Variants in PCDHGB7 observed in about 807,000 individuals in gnomAD.
PCDHGB7 encodes protocadherin gamma-B7.
In PCDHGB7, 37 loss-of-function variants were observed where a neutral mutation model predicts 61.4. The ratio of observed to expected loss-of-function variants is 0.60; its 90% CI spans 0.46 to 0.79. PCDHGB7 has a LOEUF of 0.79. Among genes scored for constraint, PCDHGB7 ranks in the 30% least tolerant of loss-of-function variants. The pLI is 0.00. For missense variants in PCDHGB7, 1,166 were observed against 1,202.5 expected (o/e 0.97, Z 0.45); for synonymous variants, 464 against 503.5 (o/e 0.92, Z 1.05).
Position 141,493,404 on chromosome 5 carries a change from C to T in PCDHGB7, c.2416-1403C>T, listed in dbSNP as rs2099748048. Among the ~76,000 whole-genome samples, 1 of 152,148 alleles carries T rather than the reference C, an allele frequency of 6.6e-6. No individual in the cohort carries two copies. Among genetic ancestry groups the T allele is most frequent in the South Asian group, 2.1e-4 (1 of 4,826 alleles). ...CTTGAGGACAGGAGAGGGGAGTTGC[C>T]TCTGCTGGGATTTTGCTTCTGCTGG... On this transcript the variant is annotated intron_variant, in intron 1 of 3. Transcript: ENST00000398594. The surrounding 1 kb of genome is among the most constrained non-coding windows in gnomAD (Gnocchi z 4.3).
chr5:141,480,402 G>A (rs1268532373), intron 1 of PCDHGB7, among the ~76,000 whole-genome samples: 2 of 145,838 alleles, frequency 1.4e-5, no homozygotes, highest in African/African-American at 2.6e-5. Flanking sequence ...GCAATAGAGT[G>A]AGACCCTGTC....
intron 1 of PCDHGB7, chr5:141,421,419 A>T (rs778839137): frequency 1.2e-6 from 2 of 1,614,072 alleles, no homozygotes; most frequent in Non-Finnish European, 1.7e-6. Context: ...CGAAGCGCGG[A>T]GTCCGCATCG....
chr5:141,470,479 C>T (rs2099231547), intron 1 of PCDHGB7, among the ~76,000 whole-genome samples: 1 of 152,078 alleles, frequency 6.6e-6, no homozygotes, highest in African/African-American at 2.4e-5. Flanking sequence ...ATTACTAACC[C>T]TCTGGGAATA....
intron 3 of PCDHGB7, among the ~76,000 whole-genome samples, chr5:141,505,868 G>T (rs2099848820): frequency 6.6e-6 from 1 of 152,170 alleles, no homozygotes; most frequent in Admixed American, 6.5e-5. Context: ...GGACCCCAAA[G>T]GGTTGTTGTA....
At chr5:141,469,372 C>A (rs780872014) in intron 1 of PCDHGB7, among the ~76,000 whole-genome samples, 1 of 151,990 alleles carries the variant, frequency 6.6e-6, no homozygotes, top group East Asian at 1.9e-4. Context: ...GTAAAGAGAT[C>A]GAGACCATCC....
At chr5:141,509,481 A>G (rs2099877035) in intron 3 of PCDHGB7, among the ~76,000 whole-genome samples, 1 of 152,010 alleles carries the variant, frequency 6.6e-6, no homozygotes, top group Admixed American at 6.6e-5. Flanking sequence ...TGAGGGGTAG[A>G]GGTGATGGCA....
In PCDHGB7 at chr5:141,487,574, C is replaced by T. The variant is rs753979217; in HGVS notation, c.2416-7233C>T. ...TGCACCTATGGCAGGGGAGCCTGTTCGCCCAAGCTGCCCACCCTCTGATCT... is the reference window on the plus strand; with the variant it reads ...TGCACCTATGGCAGGGGAGCCTGTTTGCCCAAGCTGCCCACCCTCTGATCT... On this transcript the variant is annotated intron_variant, in intron 1 of 3. Transcript: ENST00000398594. This position sits in a 1 kb window ranked among gnomAD's most constrained non-coding sequence, Gnocchi z 5.0. 1.2e-5 allele frequency: 20 copies of T among 1,614,040 alleles called. 1 individual carries two copies. The highest frequency in any genetic ancestry group is 8.9e-5 in the East Asian group (4 of 44,870).
At chr5:141,463,401 A>T (rs57406832) in intron 1 of PCDHGB7, among the ~76,000 whole-genome samples, 25,027 of 149,108 alleles carry the variant, frequency 0.17, 2,158 homozygotes, top group South Asian at 0.22. Context: ...GGCAAAAAAA[A>T]TGGAGATCCT....
Position 141,491,507 on chromosome 5 carries a change from C to G in PCDHGB7, c.2416-3300C>G, listed in dbSNP as rs755899622. The stretch of plus-strand genomic sequence containing the variant: ...AACCTGCAGGTGAGCTCGGACGGCA[C>G]GCTCAAGTACATGGAGGTGACGCTG... On this transcript the variant is annotated intron_variant, in intron 1 of 3. Coordinates refer to ENST00000398594, the MANE Select transcript of PCDHGB7 (RefSeq NM_018927.4). This position sits in a 1 kb window ranked among gnomAD's most constrained non-coding sequence, Gnocchi z 6.9. 1.5e-5 allele frequency: 24 copies of G among 1,614,038 alleles called. No individual in the cohort carries two copies. The highest frequency in any genetic ancestry group is 2.0e-5 in the Non-Finnish European group (24 of 1,180,016).
At chr5:141,458,075 A>G (rs1301404730) in intron 1 of PCDHGB7, among the ~76,000 whole-genome samples, 2 of 152,234 alleles carry the variant, frequency 1.3e-5, no homozygotes, top group Non-Finnish European at 2.9e-5. Flanking sequence ...GAACAACTAT[A>G]TTGCCGTAAG....
chr5:141,485,539 G>C lies in PCDHGB7; in HGVS notation c.2416-9268G>C, dbSNP rs370323886. The C allele has an allele frequency of 9.9e-6, 16 of 1,613,986 alleles. No homozygotes were observed. In the African/African-American group the frequency reaches 2.0e-4, roughly 20 times the overall value. On this transcript the variant is annotated intron_variant, in intron 1 of 3. Transcript: ENST00000398594. This position sits in a 1 kb window ranked among gnomAD's most constrained non-coding sequence, Gnocchi z 5.7. ...TGGAAATGTACCGAGCAGAGGTAGA[G>C]ATCGTAGATGTGAATGATCACGCCC... is the stretch of plus-strand genomic sequence containing the variant.
chr5:141,491,898 G>A lies in PCDHGB7; in HGVS notation c.2416-2909G>A, dbSNP rs772673872. 1.6e-5 allele frequency: 23 copies of A among 1,428,816 alleles called. No homozygotes were observed. The highest frequency in any genetic ancestry group is 3.0e-5 in the South Asian group (2 of 66,966). The allele number at this position is 1,428,816 out of a possible 1,614,324, so 88.5% of individuals were successfully genotyped here. A position where few individuals can be genotyped will look rare whatever the true frequency, so the allele number is the denominator to read the frequency against. ...ATTAAGGGATGGGGCTCCGAGCACC[G>A]GGGGTGGTGGCGACTGTGGGCGAGG... On this transcript the variant is annotated intron_variant, in intron 1 of 3. Coordinates refer to ENST00000398594, the MANE Select transcript of PCDHGB7 (RefSeq NM_018927.4). This position sits in a 1 kb window ranked among gnomAD's most constrained non-coding sequence, Gnocchi z 6.9.
At chr5:141,497,807 T>G (rs2099779585) in intron 2 of PCDHGB7, among the ~76,000 whole-genome samples, 1 of 152,210 alleles carries the variant, frequency 6.6e-6, no homozygotes, top group African/African-American at 2.4e-5. Context: ...CCCAAAGTGC[T>G]AGAATTACAG....
In PCDHGB7 at chr5:141,418,462, C is replaced by G; in HGVS notation, c.603C>G (p.Asp201Glu). 2 of 1,613,974 alleles carry G rather than the reference C, an allele frequency of 1.2e-6. No homozygotes were observed. The highest frequency in any genetic ancestry group is 8.5e-7 in the Non-Finnish European group (1 of 1,179,898). The change falls in exon 1 of 4, where the codon GAC becomes GAG. Residue 201 changes from aspartate (D) to glutamate (E), a missense_variant. Coordinates refer to ENST00000398594, the MANE Select transcript of PCDHGB7 (RefSeq NM_018927.4). ...YPELVLQKTL[D>E]RETQSAHHLV... ...AATTAGTATTGCAGAAGACTCTGGA[C>G]CGAGAAACGCAGAGCGCTCACCACT...
chr5:141,438,651 CAT>C (rs2098045358), intron 1 of PCDHGB7, among the ~76,000 whole-genome samples: 1 of 83,744 alleles, frequency 1.2e-5, no homozygotes, highest in East Asian at 3.2e-4. Context: ...CACACACACA[CAT>C]ATATGTATAT....
chr5:141,457,058 T>A (rs756862311), intron 1 of PCDHGB7, among the ~76,000 whole-genome samples: 2 of 152,230 alleles, frequency 1.3e-5, no homozygotes, highest in Non-Finnish European at 2.9e-5. Flanking sequence ...TCATGCTTCC[T>A]TTTTGCCAGT....
Position 141,418,717 on chromosome 5 carries a change from C to G in PCDHGB7, c.858C>G (p.Asp286Glu). Reference protein sequence around the residue: ...EITYSFFGVADKAQHVFSLDY... With the variant: ...EITYSFFGVAEKAQHVFSLDY... Reference sequence around the variant, plus strand: ...CTTATTCCTTCTTTGGTGTGGCTGACAAAGCTCAGCACGTGTTCTCTCTGG... The same window carrying G: ...CTTATTCCTTCTTTGGTGTGGCTGAGAAAGCTCAGCACGTGTTCTCTCTGG... Residue 286 changes from aspartate to glutamate, a missense_variant, in exon 1 of 4, where the codon GAC (aspartate) becomes GAG (glutamate). By Grantham distance (45) the Asp-to-Glu change is conservative. Coordinates refer to ENST00000398594, the MANE Select transcript of PCDHGB7 (RefSeq NM_018927.4). 1.2e-6 allele frequency: 2 copies of G among 1,613,938 alleles called. No homozygotes were observed. The highest frequency in any genetic ancestry group is 1.7e-6 in the Non-Finnish European group (2 of 1,179,868).
Position 141,477,311 on chromosome 5 carries a change from C to G in PCDHGB7, c.2416-17496C>G. 6.2e-7 allele frequency: 1 copy of G among 1,614,186 alleles called. No individual in the cohort carries two copies. The highest frequency in any genetic ancestry group is 8.5e-7 in the Non-Finnish European group (1 of 1,180,032). ...AGTTCCACCGGGTCTCCCTTTCAGC[C>G]TTACTTCTTCCCTCAAGAATTACTT... On this transcript the variant is annotated intron_variant, in intron 1 of 3. Coordinates refer to ENST00000398594, the MANE Select transcript of PCDHGB7 (RefSeq NM_018927.4). The surrounding 1 kb of genome is among the most constrained non-coding windows in gnomAD (Gnocchi z 4.9).
Position 141,419,686 on chromosome 5 carries a change from G to T in PCDHGB7, c.1827G>T (p.Val609=), listed in dbSNP as rs551990092. Residue 609 remains valine (V), a synonymous_variant, in exon 1 of 4, where the codon GTG becomes GTT. Transcript: ENST00000398594. ...GHNAWLSYHV[V]QASEPGLFSL... ...ATGCCTGGCTGTCCTACCACGTGGTGCAGGCCAGTGAGCCCGGGCTCTTCA... is the reference window on the plus strand; with the variant it reads ...ATGCCTGGCTGTCCTACCACGTGGTTCAGGCCAGTGAGCCCGGGCTCTTCA... 2 of 1,612,878 alleles carry T rather than the reference G, an allele frequency of 1.2e-6. No homozygotes were observed. Among genetic ancestry groups the T allele is most frequent in the South Asian group, 1.1e-5 (1 of 91,046 alleles).
Sources: allele counts gnomAD v4.1 joint callset (sites outside exome capture counted in the v4.1 genomes callset), GRCh38; gene constraint gnomAD v4.1.1; non-coding constraint Gnocchi (gnomAD v3.1); transcripts MANE v1.5; gene names NCBI Gene and HGNC (gene_info 2026-07-23, HGNC 2026-07-21).